Variants in GABRA3 observed in about 807,000 individuals in gnomAD.
GABRA3 encodes the protein gamma-aminobutyric acid type A receptor subunit alpha3, also known as gamma-aminobutyric acid receptor subunit alpha-3.
Under a neutral mutation model 30.1 loss-of-function variants are expected in GABRA3, and 10 were observed. That is an observed-to-expected ratio of 0.33 (90% CI 0.20 to 0.56). GABRA3 has a LOEUF of 0.56. Ranked by LOEUF, GABRA3 falls within the 20% of genes least tolerant of loss-of-function variation. The pLI, the probability that GABRA3 is intolerant of heterozygous loss-of-function variation, is 0.89. For synonymous variants in GABRA3, 151 were observed against 146.8 expected, an observed-to-expected ratio of 1.03 and a Z score of -0.21; for missense variants, 233 against 392.0, an observed-to-expected ratio of 0.59 and a Z score of 3.42.
At chrX:152,387,393 G>T (rs1337566798) in intron 1 of GABRA3, among the ~76,000 whole-genome samples, 2 of 111,486 alleles carry the variant, frequency 1.8e-5, no homozygotes, top group Non-Finnish European at 3.8e-5. Context: ...ATATAATAAA[G>T]TTATTTTTAA....
chrX:152,384,871 A>AT (rs1445918031), intron 1 of GABRA3, among the ~76,000 whole-genome samples: 1 of 111,992 alleles, frequency 8.9e-6, no homozygotes, highest in African/African-American at 3.2e-5. Flanking sequence ...AAGAAACATT[A>AT]TCCAAAGAAT....
chrX:152,371,070 T>C (rs1928824916), intron 1 of GABRA3, among the ~76,000 whole-genome samples: 1 of 110,787 alleles, frequency 9.0e-6, no homozygotes, highest in Non-Finnish European at 1.9e-5. Context: ...TAAACCTTGG[T>C]CAAATCCAAC....
intron 3 of GABRA3, among the ~76,000 whole-genome samples, chrX:152,297,295 C>A (rs1332016401): frequency 2.7e-5 from 3 of 111,940 alleles, no homozygotes; most frequent in African/African-American, 9.7e-5. Context: ...AGACACCATT[C>A]AGAGGATTCT....
chrX:152,326,461 C>T (rs1603241947), intron 3 of GABRA3, among the ~76,000 whole-genome samples: 1 of 111,442 alleles, frequency 9.0e-6, no homozygotes, highest in Non-Finnish European at 1.9e-5. Context: ...AAAGAAAGGT[C>T]GGGTTACCCA....
chrX:152,433,299 G>GAA (rs1308827282), intron 1 of GABRA3, among the ~76,000 whole-genome samples: 1 of 109,349 alleles, frequency 9.1e-6, no homozygotes, highest in Middle Eastern at 4.3e-3. Context: ...AAAATAACAA[G>GAA]AAAAGAAATA....
intron 1 of GABRA3, among the ~76,000 whole-genome samples, chrX:152,403,862 C>T (rs1929858923): frequency 9.0e-6 from 1 of 111,008 alleles, no homozygotes; most frequent in Non-Finnish European, 1.9e-5. Flanking sequence ...TTATATAACC[C>T]AGGTTTTGAA....
At chrX:152,175,879 A>G (rs1429042257) in intron 9 of GABRA3, among the ~76,000 whole-genome samples, 1 of 109,734 alleles carries the variant, frequency 9.1e-6, no homozygotes, top group African/African-American at 3.3e-5. Flanking sequence ...CCTGGCTAAC[A>G]CGGTGAAACC....
At chrX:152,237,155 C>T (rs1221394241) in intron 5 of GABRA3, among the ~76,000 whole-genome samples, 1 of 111,362 alleles carries the variant, frequency 9.0e-6, no homozygotes, top group African/African-American at 3.3e-5. Flanking sequence ...TCTAATCCAT[C>T]TTGAATTGAT....
chrX:152,185,058 C>T (rs1260012299), intron 9 of GABRA3, among the ~76,000 whole-genome samples: 1 of 111,722 alleles, frequency 9.0e-6, no homozygotes, highest in Admixed American at 9.5e-5. Flanking sequence ...TTATGCTCAC[C>T]CATTCCAGCT....
chrX:152,418,063 T>A (rs368565312), intron 1 of GABRA3, among the ~76,000 whole-genome samples: 1 of 109,790 alleles, frequency 9.1e-6, no homozygotes, highest in African/African-American at 3.3e-5. Flanking sequence ...AATGAAAAAA[T>A]AGATATTATA....
intron 5 of GABRA3, among the ~76,000 whole-genome samples, chrX:152,228,992 T>TA (rs1938017726): frequency 9.0e-6 from 1 of 111,338 alleles, no homozygotes; most frequent in Admixed American, 9.6e-5. Flanking sequence ...TTACTAAATA[T>TA]AAAAAATAAT....
At chrX:152,289,098 T>C (rs1939348128) in intron 3 of GABRA3, among the ~76,000 whole-genome samples, 1 of 108,851 alleles carries the variant, frequency 9.2e-6, no homozygotes, top group Non-Finnish European at 1.9e-5. Flanking sequence ...TTCTGCTTGC[T>C]GCTAATCTGA....
At chrX:152,185,144 T>C (rs927124757) in intron 9 of GABRA3, among the ~76,000 whole-genome samples, 1 of 111,762 alleles carries the variant, frequency 8.9e-6, no homozygotes, top group Admixed American at 9.5e-5. Flanking sequence ...ATTCTAATAT[T>C]TTCCCTTCCA....
chrX:152,228,046 C>T (rs1213758926), intron 5 of GABRA3, among the ~76,000 whole-genome samples: 6 of 111,708 alleles, frequency 5.4e-5, no homozygotes, highest in African/African-American at 1.3e-4. Flanking sequence ...AATCATTGCC[C>T]TCATAGTGAC....
intron 3 of GABRA3, among the ~76,000 whole-genome samples, chrX:152,332,372 C>CTT (rs1940176547): frequency 3.6e-5 from 4 of 111,513 alleles, no homozygotes; most frequent in African/African-American, 9.8e-5. Context: ...AAAAGCTATG[C>CTT]TAAGATTGCT....
chrX:152,330,256 G>A (rs1187698749), intron 3 of GABRA3, among the ~76,000 whole-genome samples: 2 of 112,051 alleles, frequency 1.8e-5, no homozygotes, highest in Non-Finnish European at 3.8e-5. Context: ...TGGTGGGACT[G>A]TAAACTAGTT....
At chrX:152,264,446 T>C (rs1938786246) in intron 4 of GABRA3, among the ~76,000 whole-genome samples, 1 of 111,439 alleles carries the variant, frequency 9.0e-6, no homozygotes, top group African/African-American at 3.3e-5. Context: ...CATAAGATAG[T>C]ATTTGCAAAC....
chrX:152,186,491 C>T (rs1014995746), intron 9 of GABRA3, among the ~76,000 whole-genome samples: 2 of 111,423 alleles, frequency 1.8e-5, no homozygotes, highest in Non-Finnish European at 3.8e-5. Context: ...TGTGAGCCAT[C>T]GCCTTCAGCG....
chrX:152,281,798 A>G (rs1014465473), intron 4 of GABRA3, among the ~76,000 whole-genome samples: 1 of 112,265 alleles, frequency 8.9e-6, no homozygotes, highest in Non-Finnish European at 1.9e-5. Context: ...ACACATACAG[A>G]GGACCTCTGT....
Sources: allele counts gnomAD v4.1 joint callset (sites outside exome capture counted in the v4.1 genomes callset), GRCh38; gene constraint gnomAD v4.1.1; transcripts MANE v1.5; gene names NCBI Gene and HGNC (gene_info 2026-07-23, HGNC 2026-07-21).